TMEM74: variants seen among roughly 807,000 people sequenced by gnomAD.
TMEM74 encodes the protein transmembrane protein 74.
A neutral mutation model predicts 18.1 loss-of-function variants in TMEM74; 13 were observed. The ratio of observed to expected loss-of-function variants is 0.72; its 90% CI spans 0.47 to 1.14. The LOEUF (loss-of-function observed/expected upper bound fraction) is 1.14, where lower values mean the gene tolerates loss of function less well. Ranked by LOEUF, TMEM74 falls within the 50% of genes most tolerant of loss-of-function variation. The pLI, the probability that TMEM74 is intolerant of heterozygous loss-of-function variation, is 0.00. For synonymous variants in TMEM74, 159 were observed against 146.6 expected (o/e 1.08, Z -0.61); for missense variants, 372 against 375.9 (o/e 0.99, Z 0.09).
intron 2 of TMEM74, among the ~76,000 whole-genome samples, chr8:108,609,521 G>A (rs780305190): frequency 3.9e-5 from 6 of 152,032 alleles, no homozygotes; most frequent in Non-Finnish European, 7.4e-5. Context: ...GGTGGCTGGT[G>A]CCTGTAATCT....
At chr8:108,757,627 C>G (rs1813990306) in intron 1 of TMEM74, among the ~76,000 whole-genome samples, 2 of 151,638 alleles carry the variant, frequency 1.3e-5, no homozygotes, top group Non-Finnish European at 2.9e-5. Flanking sequence ...TTTTTTTAAA[C>G]AATACATTGC....
chr8:108,704,837 T>C, intron 1 of TMEM74, among the ~76,000 whole-genome samples: 1 of 152,202 alleles, frequency 6.6e-6, no homozygotes, highest in Non-Finnish European at 1.5e-5. Flanking sequence ...CTGAGGATTA[T>C]GTGTAAAATA....
intron 1 of TMEM74, among the ~76,000 whole-genome samples, chr8:108,740,566 T>G (rs551993119): frequency 2.0e-4 from 30 of 152,332 alleles, no homozygotes; most frequent in Non-Finnish European, 3.1e-4. Flanking sequence ...GTAAACCTTG[T>G]GTCAAGTAAG....
chr8:108,752,551 C>G (rs894922458), intron 1 of TMEM74, among the ~76,000 whole-genome samples: 3 of 152,106 alleles, frequency 2.0e-5, no homozygotes, highest in Non-Finnish European at 2.9e-5. Flanking sequence ...AAGTTAATCT[C>G]AACATGTTAA....
rs1220591130 is a variant in TMEM74, at chr8:108,607,110, T to C, written n.995A>G. The stretch of plus-strand genomic sequence containing the variant: ...GTGCAGTAATCTTGGGGTAATCACA[T>C]TTCTTGCATGTGATCACACTTCAAC... On this transcript the variant is annotated non_coding_transcript_exon_variant, in exon 4 of 4. Transcript: ENST00000518838. The C allele has an allele frequency of 5.9e-5, 9 of 152,324 alleles. No individual in the cohort carries two copies. In the East Asian group the frequency reaches 1.5e-3, roughly 26 times the overall value. The allele number at this position is 152,324 out of a possible 1,614,324, so 9.4% of individuals were successfully genotyped here.
At chr8:108,768,494 A>C (rs1379193725) in intron 1 of TMEM74, among the ~76,000 whole-genome samples, 2 of 152,162 alleles carry the variant, frequency 1.3e-5, no homozygotes, top group African/African-American at 4.8e-5. Context: ...TAGCTCTTGC[A>C]TTATCTACAG....
chr8:108,678,467 C>A (rs1467186224), intron 1 of TMEM74, among the ~76,000 whole-genome samples: 1 of 151,580 alleles, frequency 6.6e-6, no homozygotes, highest in East Asian at 1.9e-4. Context: ...TGGGTTCAGG[C>A]AATCCTCCTG....
intron 1 of TMEM74, among the ~76,000 whole-genome samples, chr8:108,674,327 G>A (rs903727588): frequency 6.6e-6 from 1 of 152,114 alleles, no homozygotes; most frequent in African/African-American, 2.4e-5. Context: ...CTGAATATTA[G>A]TGGTGAAAAG....
chr8:108,720,742 ATTTATTTATTTATTAG>A (rs1478618888), intron 1 of TMEM74, among the ~76,000 whole-genome samples: 2 of 102,194 alleles, frequency 2.0e-5, no homozygotes, highest in African/African-American at 6.3e-5. Flanking sequence ...TTATTTATTT[ATTTATTTATTTATTAG>A]TTTGTTTGTT....
intron 2 of TMEM74, among the ~76,000 whole-genome samples, chr8:108,623,496 G>A (rs1334578856): frequency 6.6e-6 from 1 of 151,954 alleles, no homozygotes; most frequent in Non-Finnish European, 1.5e-5. Context: ...TTCTATGTTG[G>A]CTGTGAATAG....
At chr8:108,694,152 C>T (rs940489251) in intron 1 of TMEM74, among the ~76,000 whole-genome samples, 2 of 152,140 alleles carry the variant, frequency 1.3e-5, no homozygotes, top group African/African-American at 4.8e-5. Context: ...AAGTGAAACT[C>T]GTGTCATGTG....
intron 1 of TMEM74, among the ~76,000 whole-genome samples, chr8:108,747,519 A>C (rs1238447384): frequency 1.3e-5 from 2 of 152,106 alleles, no homozygotes; most frequent in East Asian, 3.9e-4. Flanking sequence ...TATGATCTCC[A>C]GCAGCAGAAG....
intron 2 of TMEM74, among the ~76,000 whole-genome samples, chr8:108,635,601 G>A (rs1011248446): frequency 6.6e-6 from 1 of 151,960 alleles, no homozygotes; most frequent in Non-Finnish European, 1.5e-5. Context: ...CGCCAACACT[G>A]GGTTTATTTT....
At chr8:108,684,937 A>G (rs1476954130) in intron 1 of TMEM74, among the ~76,000 whole-genome samples, 1 of 151,866 alleles carries the variant, frequency 6.6e-6, no homozygotes, top group Non-Finnish European at 1.5e-5. Flanking sequence ...TGGTTTCATG[A>G]AAATTTTAGG....
At chr8:108,735,796 C>G (rs1813743132) in intron 1 of TMEM74, among the ~76,000 whole-genome samples, 1 of 152,098 alleles carries the variant, frequency 6.6e-6, no homozygotes, top group South Asian at 2.1e-4. Flanking sequence ...TATCCAATAT[C>G]TCACTCTCCA....
At chr8:108,617,678 A>C (rs751426449) in intron 2 of TMEM74, among the ~76,000 whole-genome samples, 2 of 152,120 alleles carry the variant, frequency 1.3e-5, no homozygotes, top group Non-Finnish European at 2.9e-5. Context: ...GACCCCATAA[A>C]AATGGAATGA....
intron 1 of TMEM74, among the ~76,000 whole-genome samples, chr8:108,657,881 T>TATATATATATATTAATTAC (rs1554630299): frequency 1.6e-4 from 16 of 98,480 alleles, no homozygotes; most frequent in East Asian, 2.8e-4. Flanking sequence ...TATATATATA[T>TATATATATATATTAATTAC]ATATATATAT....
intron 1 of TMEM74, among the ~76,000 whole-genome samples, chr8:108,745,582 A>G (rs1025813492): frequency 1.3e-5 from 2 of 152,100 alleles, no homozygotes; most frequent in African/African-American, 4.8e-5. Flanking sequence ...GCACTTAATA[A>G]ACGTACATAT....
intron 2 of TMEM74, among the ~76,000 whole-genome samples, chr8:108,620,969 C>T (rs1812434378): frequency 6.6e-6 from 1 of 152,078 alleles, no homozygotes. Flanking sequence ...TTTCTCATGC[C>T]ACTCCTGCTG....
Sources: gnomAD v4.1 joint callset for allele counts (sites outside exome capture counted in the v4.1 genomes callset) on GRCh38, gnomAD v4.1.1 for gene constraint, MANE v1.5 for transcripts, NCBI Gene and HGNC (gene_info 2026-07-23, HGNC 2026-07-21) for gene names.